The following SEMA6D variants were observed in gnomAD, a reference collection of about 807,000 sequenced individuals.
The protein encoded by SEMA6D is semaphorin-6D.
Under a neutral mutation model 106.6 loss-of-function variants are expected in SEMA6D, and 35 were observed. The ratio of observed to expected loss-of-function variants is 0.33; its 90% CI spans 0.25 to 0.44. SEMA6D has a LOEUF of 0.44. SEMA6D is among the 20% of genes least tolerant of loss of function. The pLI is 1.00. For missense variants in SEMA6D, 1,185 were observed against 1,345.9 expected (o/e 0.88, Z 1.87); for synonymous variants, 499 against 487.7 (o/e 1.02, Z -0.31).
intron 1 of SEMA6D, among the ~76,000 whole-genome samples, chr15:47,386,180 A>T (rs1384354165): frequency 1.3e-5 from 2 of 152,200 alleles, no homozygotes; most frequent in African/African-American, 4.8e-5. Context: ...AAATATCTAC[A>T]CAGATAACCA....
intron 1 of SEMA6D, among the ~76,000 whole-genome samples, chr15:47,238,183 GA>G (rs1394648284): frequency 6.6e-6 from 1 of 152,122 alleles, no homozygotes; most frequent in Non-Finnish European, 1.5e-5. Context: ...GTTGCAGGAA[GA>G]AAATGTTGAG....
At chr15:47,588,627 C>T (rs1403405027) in intron 3 of SEMA6D, among the ~76,000 whole-genome samples, 1 of 152,188 alleles carries the variant, frequency 6.6e-6, no homozygotes, top group Non-Finnish European at 1.5e-5. Context: ...GTTTGAAGAC[C>T]AGCCATCTGG....
At chr15:47,254,674 T>A (rs933248855) in intron 1 of SEMA6D, among the ~76,000 whole-genome samples, 3 of 152,122 alleles carry the variant, frequency 2.0e-5, no homozygotes, top group Non-Finnish European at 2.9e-5. Context: ...ATTGAAGTGA[T>A]CTTATGGTTT....
chr15:47,199,363 C>T (rs1894565626), intron 1 of SEMA6D, among the ~76,000 whole-genome samples: 4 of 152,110 alleles, frequency 2.6e-5, no homozygotes, highest in Admixed American at 2.0e-4. Flanking sequence ...GCTGAGTAGT[C>T]TTGCTGGGTG....
At chr15:47,575,817 T>A (rs978601053) in intron 3 of SEMA6D, among the ~76,000 whole-genome samples, 1 of 152,084 alleles carries the variant, frequency 6.6e-6, no homozygotes, top group Non-Finnish European at 1.5e-5. Flanking sequence ...AACATTGTGG[T>A]ATCTCTCCTT....
At chr15:47,734,367 G>C (rs2080323002) in intron 1 of SEMA6D, among the ~76,000 whole-genome samples, 1 of 152,124 alleles carries the variant, frequency 6.6e-6, no homozygotes, top group South Asian at 2.1e-4. Context: ...AGTTTCCTGG[G>C]TATGTGACCT....
At chr15:47,390,511 C>T (rs1367233467) in intron 1 of SEMA6D, among the ~76,000 whole-genome samples, 1 of 152,092 alleles carries the variant, frequency 6.6e-6, no homozygotes, top group Non-Finnish European at 1.5e-5. Flanking sequence ...AAAAGTAATC[C>T]ACCACATATG....
In SEMA6D at chr15:47,757,593, G is replaced by A. The variant is rs184361002; in HGVS notation, c.-54-2152G>A. On this transcript the variant is annotated intron_variant, in intron 1 of 18. Transcript: ENST00000536845. ...CCAAATCATTGCGGTTGTTGAGGTA[G>A]GATAGTAGGATTGTTGGTGATTGCT... 2.6e-3 allele frequency among the ~76,000 whole-genome samples: 393 copies of A among 152,284 alleles called. 2 individuals are homozygous for A. The highest frequency in any genetic ancestry group is 9.1e-3 in the African/African-American group (380 of 41,566).
intron 2 of SEMA6D, among the ~76,000 whole-genome samples, chr15:47,425,784 G>C (rs1013625812): frequency 6.6e-6 from 1 of 151,376 alleles, no homozygotes; most frequent in Non-Finnish European, 1.5e-5. Flanking sequence ...GAGGTAAAGC[G>C]AGGTAAAGGT....
intron 3 of SEMA6D, among the ~76,000 whole-genome samples, chr15:47,557,465 T>C (rs79337600): frequency 0.023 from 3,502 of 152,278 alleles, 132 homozygotes; most frequent in African/African-American, 0.079. Flanking sequence ...TTGAAGTTGA[T>C]GTCTTGGGTG....
At chr15:47,392,868 C>T (rs2040085212) in intron 1 of SEMA6D, among the ~76,000 whole-genome samples, 1 of 152,200 alleles carries the variant, frequency 6.6e-6, no homozygotes, top group Non-Finnish European at 1.5e-5. Context: ...GGGATATCCC[C>T]AGTTGCCATT....
At chr15:47,348,823 C>T (rs554239921) in intron 1 of SEMA6D, among the ~76,000 whole-genome samples, 49 of 150,630 alleles carry the variant, frequency 3.3e-4, no homozygotes, top group Non-Finnish European at 6.0e-4. Flanking sequence ...GGAGGACTCA[C>T]GGAGAGCTTT....
rs116388564 is a variant in SEMA6D, at chr15:47,684,617, A to G, written c.-54-75128A>G. Among the ~76,000 whole-genome samples, 481 of 152,284 alleles carry G rather than the reference A, an allele frequency of 3.2e-3. 8 individuals are homozygous for G. The highest frequency in any genetic ancestry group is 0.011 in the African/African-American group (468 of 41,550). ...CAGTACATACCAGGAGCTCAATGAC[A>G]TTTGCTGAATAAATGAATGAATGAA... On this transcript the variant is annotated intron_variant, in intron 4 of 19. Transcript: ENST00000558014.
chr15:47,730,712 C>T, intron 1 of SEMA6D: 1 of 1,606,138 alleles, frequency 6.2e-7, no homozygotes, highest in East Asian at 2.2e-5. Flanking sequence ...GCAGGAGGCA[C>T]TTTCAGCCGC....
intron 4 of SEMA6D, among the ~76,000 whole-genome samples, chr15:47,675,634 T>G (rs931528768): frequency 1.3e-5 from 2 of 152,222 alleles, no homozygotes; most frequent in Non-Finnish European, 2.9e-5. Context: ...CAATTAGTAT[T>G]GTGTTTTTCT....
chr15:47,275,215 C>G (rs1417516461), intron 1 of SEMA6D: 1 of 152,082 alleles, frequency 6.6e-6, no homozygotes, highest in Non-Finnish European at 1.5e-5. Flanking sequence ...GCAAGAGATG[C>G]AATCACCTTG....
At chr15:47,516,432 C>G (rs183112854) in intron 3 of SEMA6D, among the ~76,000 whole-genome samples, 1 of 152,270 alleles carries the variant, frequency 6.6e-6, no homozygotes, top group African/African-American at 2.4e-5. Flanking sequence ...CTTTTCAATG[C>G]TATTGATGAT....
chr15:47,278,538 G>A (rs1427684324), intron 1 of SEMA6D, among the ~76,000 whole-genome samples: 8 of 152,018 alleles, frequency 5.3e-5, no homozygotes, highest in South Asian at 2.1e-4. Flanking sequence ...AGTAGGTTGC[G>A]AAAATTTTCT....
At chr15:47,459,160 A>T (rs28618098) in intron 2 of SEMA6D, among the ~76,000 whole-genome samples, 1 of 152,060 alleles carries the variant, frequency 6.6e-6, no homozygotes, top group Non-Finnish European at 1.5e-5. Context: ...GAAGCCAGAG[A>T]TTCTTCTTGT....
Sources: allele counts gnomAD v4.1 joint callset (sites outside exome capture counted in the v4.1 genomes callset), GRCh38; gene constraint gnomAD v4.1.1; transcripts MANE v1.5; gene names NCBI Gene and HGNC (gene_info 2026-07-23, HGNC 2026-07-21).